SYN3: variants seen among roughly 807,000 people sequenced by gnomAD.
The protein encoded by SYN3 is synapsin III, also known as synapsin-3.
Under a neutral mutation model 65.8 loss-of-function variants are expected in SYN3, and 35 were observed. The observed-to-expected ratio is 0.53, with a 90% CI of 0.41 to 0.70. SYN3 has a LOEUF of 0.70. Among genes scored for constraint, SYN3 ranks in the 30% least tolerant of loss-of-function variants. SYN3 has a pLI of 0.00. For missense variants in SYN3, 680 were observed against 749.0 expected (o/e 0.91, Z 1.08); for synonymous variants, 270 against 292.9 (o/e 0.92, Z 0.80).
At chr22:32,679,839 C>CGTTTTTTTTTTTTTTTTTT (rs1555923585) in intron 6 of SYN3, among the ~76,000 whole-genome samples, 1 of 39,150 alleles carries the variant, frequency 2.6e-5, no homozygotes, top group Non-Finnish European at 4.6e-5. Flanking sequence ...TGTTTTTTGG[C>CGTTTTTTTTTTTTTTTTTT]TTTTTTTTTT....
chr22:32,766,333 A>G (rs1034643518), intron 6 of SYN3, among the ~76,000 whole-genome samples: 3 of 152,150 alleles, frequency 2.0e-5, no homozygotes, highest in African/African-American at 7.2e-5. Context: ...AACATGTACA[A>G]TTTTCTTTAC....
intron 6 of SYN3, among the ~76,000 whole-genome samples, chr22:32,671,800 T>TAC (rs142076478): frequency 7.6e-6 from 1 of 132,012 alleles, no homozygotes; most frequent in South Asian, 2.4e-4. Context: ...CTCACACAGG[T>TAC]ACACACACAC....
At chr22:32,651,343 C>T (rs2060067447) in intron 6 of SYN3, among the ~76,000 whole-genome samples, 1 of 152,080 alleles carries the variant, frequency 6.6e-6, no homozygotes, top group Non-Finnish European at 1.5e-5. Flanking sequence ...GATGAGCCCA[C>T]CAGTGATTAG....
At chr22:32,815,539 T>C (rs544344848) in intron 6 of SYN3, among the ~76,000 whole-genome samples, 1 of 152,346 alleles carries the variant, frequency 6.6e-6, no homozygotes, top group African/African-American at 2.4e-5. Context: ...TATTTCTACT[T>C]TGCAGATGAA....
intron 7 of SYN3, among the ~76,000 whole-genome samples, chr22:32,567,320 T>TCCTCCCTACCTCCCTCCCTCCCTC (rs1240793401): frequency 8.2e-6 from 1 of 121,550 alleles, no homozygotes; most frequent in South Asian, 3.0e-4. Context: ...ATGACGGAGA[T>TCCTCCCTACCTCCCTCCCTCCCTC]CCTCCCTCCC....
chr22:32,900,631 A>G (rs1436349221), intron 4 of SYN3, among the ~76,000 whole-genome samples: 1 of 143,406 alleles, frequency 7.0e-6, no homozygotes, highest in African/African-American at 2.4e-5. Flanking sequence ...TCCCTATTAG[A>G]CTGTAAGCTC....
chr22:32,917,093 T>C (rs2050205325), intron 4 of SYN3, among the ~76,000 whole-genome samples: 1 of 152,170 alleles, frequency 6.6e-6, no homozygotes, highest in Admixed American at 6.5e-5. Context: ...ATTCACTATA[T>C]TTCAGGCACT....
At chr22:32,754,629 A>G (rs1308355687) in intron 6 of SYN3, among the ~76,000 whole-genome samples, 1 of 151,894 alleles carries the variant, frequency 6.6e-6, no homozygotes, top group East Asian at 1.9e-4. Context: ...TAGCTCCTCC[A>G]CCCGGCTCCC....
chr22:33,039,186 G>A (rs993130589), intron 1 of SYN3, among the ~76,000 whole-genome samples: 5 of 152,132 alleles, frequency 3.3e-5, no homozygotes, highest in African/African-American at 1.2e-4. Context: ...ACACTTAACA[G>A]GGTGAGAAAG....
intron 6 of SYN3, among the ~76,000 whole-genome samples, chr22:32,813,486 TAC>T (rs130277): frequency 0.12 from 17,111 of 137,966 alleles, 1,088 homozygotes; most frequent in East Asian, 0.18. Flanking sequence ...TCTGAAAAGA[TAC>T]ACACACACAC....
intron 6 of SYN3, among the ~76,000 whole-genome samples, chr22:32,762,397 T>C (rs979478476): frequency 6.6e-6 from 1 of 152,228 alleles, no homozygotes; most frequent in Non-Finnish European, 1.5e-5. Context: ...CCTAATGCAA[T>C]GGCTTTAGTT....
chr22:32,722,211 C>T (rs928964426), intron 6 of SYN3, among the ~76,000 whole-genome samples: 9 of 152,044 alleles, frequency 5.9e-5, no homozygotes, highest in African/African-American at 2.2e-4. Flanking sequence ...TTGGTTGTGT[C>T]AAGGGGAGGC....
chr22:32,602,225 C>A (rs530338689), intron 6 of SYN3, among the ~76,000 whole-genome samples: 12 of 152,280 alleles, frequency 7.9e-5, no homozygotes, highest in African/African-American at 2.9e-4. Flanking sequence ...TTTCCCCACT[C>A]CCCTTCTCCA....
At position 32,975,017 on chromosome 22, in the gene SYN3, A is replaced by G. The variant is rs946597409; in HGVS notation, c.369+5628T>C. On this transcript the variant is annotated intron_variant, in intron 3 of 13. Transcript: ENST00000358763. ...ACCCCTACACCGCATTTCCTCCCACACATATTAAGCTGTGCTCAACTCAAA... is the reference window on the plus strand; with the variant it reads ...ACCCCTACACCGCATTTCCTCCCACGCATATTAAGCTGTGCTCAACTCAAA... 5.3e-5 allele frequency among the ~76,000 whole-genome samples: 8 copies of G among 152,096 alleles called. 1 individual carries two copies. Among genetic ancestry groups the G allele is most frequent in the South Asian group, 4.1e-4 (2 of 4,830 alleles).
chr22:32,624,951 C>A (rs905963729), intron 6 of SYN3, among the ~76,000 whole-genome samples: 2 of 152,174 alleles, frequency 1.3e-5, no homozygotes, highest in African/African-American at 4.8e-5. Context: ...TTCTGCCTAC[C>A]CTCTAGGTCA....
intron 6 of SYN3, among the ~76,000 whole-genome samples, chr22:32,765,141 CTG>C: frequency 6.6e-6 from 1 of 152,128 alleles, no homozygotes; most frequent in African/African-American, 2.4e-5. Flanking sequence ...TGAGTGTGGA[CTG>C]TGTGCACCAG....
At position 33,009,751 on chromosome 22, in the gene SYN3, A is replaced by AACACACACAC. The variant is rs58156623; in HGVS notation, c.-162-2937_-162-2928dup. ...ATATCCTTTCATATATACGTATCTA[A>AACACACACAC]ACACACACACACACACACACACACA... On this transcript the variant is annotated intron_variant, in intron 1 of 13. Transcript: ENST00000358763. Among the ~76,000 whole-genome samples the AACACACACAC allele has an allele frequency of 6.8e-3, 967 of 141,232 alleles. 7 individuals carry two copies. Among genetic ancestry groups the AACACACACAC allele is most frequent in the Middle Eastern group, 0.023 (6 of 266 alleles). The allele number at this position is 141,232 out of a possible 152,430, so 92.7% of individuals were successfully genotyped here.
chr22:32,953,597 C>T (rs1265780229), intron 3 of SYN3, among the ~76,000 whole-genome samples: 1 of 151,844 alleles, frequency 6.6e-6, no homozygotes, highest in Non-Finnish European at 1.5e-5. Context: ...AGTATATATA[C>T]AGAATTCAAG....
chr22:32,906,130 C>T (rs765384117), intron 4 of SYN3, among the ~76,000 whole-genome samples: 13 of 152,204 alleles, frequency 8.5e-5, no homozygotes, highest in Non-Finnish European at 1.8e-4. Context: ...CAGGAAGTAG[C>T]TGGTCTGGTT....
Sources: gnomAD v4.1 joint callset for allele counts (sites outside exome capture counted in the v4.1 genomes callset) on GRCh38, gnomAD v4.1.1 for gene constraint, MANE v1.5 for transcripts, NCBI Gene and HGNC (gene_info 2026-07-23, HGNC 2026-07-21) for gene names.